HS6ST3: variants seen among roughly 807,000 people sequenced by gnomAD.
HS6ST3 encodes heparan sulfate 6-O-sulfotransferase 3, also known as heparan-sulfate 6-O-sulfotransferase 3.
In HS6ST3, 12 loss-of-function variants were observed where a neutral mutation model predicts 36.7. That is an observed-to-expected ratio of 0.33 (90% CI 0.21 to 0.53). The LOEUF (loss-of-function observed/expected upper bound fraction) is 0.53, where lower values mean the gene tolerates loss of function less well. Among genes scored for constraint, HS6ST3 ranks in the 20% least tolerant of loss-of-function variants. The probability of loss-of-function intolerance (pLI) is 0.95; values close to 1 mark genes in which losing one functional copy is unlikely to be tolerated. For missense variants in HS6ST3, 584 were observed against 640.9 expected (o/e 0.91, Z 0.96); for synonymous variants, 240 against 257.5 (o/e 0.93, Z 0.65).
intron 1 of HS6ST3, among the ~76,000 whole-genome samples, chr13:96,226,792 T>C (rs1337580038): frequency 6.6e-6 from 1 of 152,202 alleles, no homozygotes. Flanking sequence ...CACATACATA[T>C]GGTAAAGTGA....
intron 1 of HS6ST3, among the ~76,000 whole-genome samples, chr13:96,807,393 T>C (rs962074890): frequency 9.9e-5 from 15 of 152,148 alleles, no homozygotes; most frequent in African/African-American, 2.9e-4. Context: ...AAATTAAGGT[T>C]ATACCAGAGT....
chr13:96,665,600 G>T (rs1039026801), intron 1 of HS6ST3, among the ~76,000 whole-genome samples: 3 of 151,818 alleles, frequency 2.0e-5, no homozygotes, highest in Non-Finnish European at 4.4e-5. Context: ...AGAATTTCTA[G>T]CACAGGGGCA....
At chr13:96,269,726 G>A (rs1275496857) in intron 1 of HS6ST3, among the ~76,000 whole-genome samples, 1 of 151,936 alleles carries the variant, frequency 6.6e-6, no homozygotes, top group Non-Finnish European at 1.5e-5. Context: ...GATATGTGAA[G>A]CACACCTCCA....
intron 1 of HS6ST3, among the ~76,000 whole-genome samples, chr13:96,417,757 C>CACAG (rs1269573994): frequency 6.6e-6 from 1 of 151,400 alleles, no homozygotes; most frequent in Admixed American, 6.6e-5. Context: ...CACACACACA[C>CACAG]ACATAATAGT....
At chr13:96,586,510 G>A (rs1228302934) in intron 1 of HS6ST3, among the ~76,000 whole-genome samples, 1 of 152,066 alleles carries the variant, frequency 6.6e-6, no homozygotes, top group African/African-American at 2.4e-5. Context: ...TGGCCAGGCT[G>A]GTCTCAAACT....
At chr13:96,188,315 GT>G (rs1263914593) in intron 1 of HS6ST3, among the ~76,000 whole-genome samples, 1 of 152,054 alleles carries the variant, frequency 6.6e-6, no homozygotes, top group Non-Finnish European at 1.5e-5. Flanking sequence ...ATGTAACATT[GT>G]TTTTGTTTCA....
chr13:96,455,237 T>C (rs1230633032), intron 1 of HS6ST3, among the ~76,000 whole-genome samples: 2 of 152,178 alleles, frequency 1.3e-5, no homozygotes, highest in Non-Finnish European at 2.9e-5. Context: ...GTTGTTGTCG[T>C]TGTTTTTAGA....
At chr13:96,586,282 G>C (rs2056360925) in intron 1 of HS6ST3, among the ~76,000 whole-genome samples, 1 of 151,692 alleles carries the variant, frequency 6.6e-6, no homozygotes, top group Non-Finnish European at 1.5e-5. Context: ...ATTTAATATG[G>C]TTCTTGGGTA....
chr13:96,651,049 C>T (rs891421894), intron 1 of HS6ST3, among the ~76,000 whole-genome samples: 6 of 151,992 alleles, frequency 3.9e-5, no homozygotes, highest in Non-Finnish European at 8.8e-5. Flanking sequence ...CCTTTAATAC[C>T]TCCCTATTGG....
intron 1 of HS6ST3, among the ~76,000 whole-genome samples, chr13:96,219,639 A>G (rs944266996): frequency 3.3e-5 from 5 of 151,940 alleles, no homozygotes; most frequent in Non-Finnish European, 7.4e-5. Flanking sequence ...AGTGTGGACG[A>G]TGGAGCAACA....
intron 1 of HS6ST3, among the ~76,000 whole-genome samples, chr13:96,664,887 G>A (rs2056658356): frequency 6.6e-6 from 1 of 151,926 alleles, no homozygotes; most frequent in Non-Finnish European, 1.5e-5. Context: ...ATAAACAAAG[G>A]CAGGCTAAGC....
At chr13:96,093,264 T>C (rs2053773817) in intron 1 of HS6ST3, among the ~76,000 whole-genome samples, 1 of 152,166 alleles carries the variant, frequency 6.6e-6, no homozygotes, top group South Asian at 2.1e-4. Flanking sequence ...TCTTAGTAAA[T>C]AGATGAAGAT....
intron 1 of HS6ST3, among the ~76,000 whole-genome samples, chr13:96,784,721 G>A (rs1877603583): frequency 6.6e-6 from 1 of 152,122 alleles, no homozygotes; most frequent in African/African-American, 2.4e-5. Context: ...CACTGTATTA[G>A]TTAGACTTGA....
intron 1 of HS6ST3, among the ~76,000 whole-genome samples, chr13:96,599,433 T>TATTC (rs2056413593): frequency 6.6e-6 from 1 of 152,074 alleles, no homozygotes. Context: ...GTATATGAGT[T>TATTC]ATTCATAATA....
intron 1 of HS6ST3, among the ~76,000 whole-genome samples, chr13:96,375,513 C>A (rs1308583496): frequency 1.3e-5 from 2 of 152,174 alleles, no homozygotes; most frequent in East Asian, 3.8e-4. Context: ...TTGAATTGCT[C>A]TTCTATAAAG....
At chr13:96,228,398 C>T (rs1472134564) in intron 1 of HS6ST3, among the ~76,000 whole-genome samples, 1 of 152,016 alleles carries the variant, frequency 6.6e-6, no homozygotes, top group Non-Finnish European at 1.5e-5. Context: ...GCTGGGATTA[C>T]GGGATTACAG....
intron 1 of HS6ST3, among the ~76,000 whole-genome samples, chr13:96,261,532 A>G (rs2054666599): frequency 6.6e-6 from 1 of 152,174 alleles, no homozygotes; most frequent in South Asian, 2.1e-4. Flanking sequence ...ATACAAGACT[A>G]TAGTGGATCT....
chr13:96,794,784 T>G (rs1186891672), intron 1 of HS6ST3, among the ~76,000 whole-genome samples: 1 of 152,050 alleles, frequency 6.6e-6, no homozygotes, highest in Non-Finnish European at 1.5e-5. Flanking sequence ...CAATTCTTGA[T>G]TTGATGTATA....
At position 96,839,453 on chromosome 13, in the gene HS6ST3, C is replaced by T. The variant is rs1879016296; in HGVS notation, c.*6255C>T. The T allele has an allele frequency of 6.6e-6, 1 of 152,106 alleles. No individual in the cohort carries two copies. The highest frequency in any genetic ancestry group is 6.5e-5 in the Admixed American group (1 of 15,282). 9.4% of individuals were successfully genotyped at this position (152,106 alleles called of 1,614,324 possible). Reference sequence around the variant, plus strand: ...GGGACTGTATTGTGACATTATCAACCTTTATTGCTATTTAAAAATGATAGT... The same window carrying T: ...GGGACTGTATTGTGACATTATCAACTTTTATTGCTATTTAAAAATGATAGT... On this transcript the variant is annotated 3_prime_UTR_variant, in exon 2 of 2. Coordinates refer to ENST00000376705, the MANE Select transcript of HS6ST3 (RefSeq NM_153456.4).
Sources: allele counts gnomAD v4.1 joint callset (sites outside exome capture counted in the v4.1 genomes callset), GRCh38; gene constraint gnomAD v4.1.1; transcripts MANE v1.5; gene names NCBI Gene and HGNC (gene_info 2026-07-23, HGNC 2026-07-21).